Variants in MTMR6 observed in about 807,000 individuals in gnomAD.
The protein encoded by MTMR6 is myotubularin related protein 6.
Under a neutral mutation model 80.1 loss-of-function variants are expected in MTMR6, and 47 were observed. The ratio of observed to expected loss-of-function variants is 0.59; its 90% CI spans 0.46 to 0.75. The LOEUF is 0.75. MTMR6 is among the 30% of genes least tolerant of loss of function. MTMR6 has a pLI of 0.00. For synonymous variants in MTMR6, 254 were observed against 253.0 expected (o/e 1.00, Z -0.04); for missense variants, 629 against 730.9 (o/e 0.86, Z 1.61).
At position 25,271,885 on chromosome 13, in the gene MTMR6, G is replaced by A. The variant is rs540256361; in HGVS notation, c.141+2186C>T. The stretch of plus-strand genomic sequence containing the variant: ...GAACAAAGAATCCAAAATAGCCATG[G>A]CAATTTTGAAGAACAAGTTGGGAGG... On this transcript the variant is annotated intron_variant, in intron 2 of 13. Coordinates refer to ENST00000381801, the MANE Select transcript of MTMR6 (RefSeq NM_004685.5). 2.0e-5 allele frequency among the ~76,000 whole-genome samples: 3 copies of A among 152,276 alleles called. No homozygotes were observed. In the South Asian group the frequency reaches 6.2e-4, roughly 32 times the overall value.
At chr13:25,273,252 G>A (rs757446276) in intron 2 of MTMR6, among the ~76,000 whole-genome samples, 4 of 152,098 alleles carry the variant, frequency 2.6e-5, no homozygotes, top group East Asian at 1.9e-4. Flanking sequence ...GGTTATATAT[G>A]CACTTATTCA....
intron 1 of MTMR6, among the ~76,000 whole-genome samples, chr13:25,283,778 A>G (rs112292059): frequency 0.039 from 5,984 of 152,316 alleles, 407 homozygotes; most frequent in African/African-American, 0.13. Flanking sequence ...ATATAATGTC[A>G]GCCAAAGTAC....
intron 1 of MTMR6, among the ~76,000 whole-genome samples, chr13:25,280,033 A>G (rs533048933): frequency 1.1e-4 from 16 of 152,226 alleles, no homozygotes; most frequent in Non-Finnish European, 1.9e-4. Context: ...TGGCTGATAT[A>G]ATTAGGGCCT....
intron 3 of MTMR6, 128 bp downstream of exon 3, chr13:25,267,651 T>C: frequency 1.2e-6 from 1 of 852,804 alleles, no homozygotes; most frequent in South Asian, 2.0e-5. Context: ...ATGGGGGAGA[T>C]AGAGTACAAA....
intron 9 of MTMR6, among the ~76,000 whole-genome samples, chr13:25,255,179 T>C (rs1000343088): frequency 2.0e-5 from 3 of 152,250 alleles, no homozygotes; most frequent in Non-Finnish European, 4.4e-5. Flanking sequence ...TTCTCTGATT[T>C]TGTCTCAAGC....
chr13:25,268,699 AG>A (rs1957506227), intron 2 of MTMR6, among the ~76,000 whole-genome samples: 1 of 152,172 alleles, frequency 6.6e-6, no homozygotes, highest in Admixed American at 6.5e-5. Flanking sequence ...TGCCAGCTGC[AG>A]TGGGGGAGGT....
intron 6 of MTMR6, chr13:25,260,473 T>A: frequency 1.9e-6 from 1 of 538,056 alleles, no homozygotes; most frequent in Non-Finnish European, 2.8e-6. Context: ...GTTTCTAAAT[T>A]ATCTTTTGTG....
chr13:25,285,283 T>C (rs947900314), intron 1 of MTMR6, among the ~76,000 whole-genome samples: 11 of 151,874 alleles, frequency 7.2e-5, no homozygotes, highest in African/African-American at 2.7e-4. Context: ...AACCAAGGGA[T>C]CCTAAATATT....
At chr13:25,257,370 T>C in intron 8 of MTMR6, 49 bp from the exon 9 acceptor site, 1 of 1,590,954 alleles carries the variant, frequency 6.3e-7, no homozygotes, top group Non-Finnish European at 8.6e-7. Flanking sequence ...GGTAAACCAA[T>C]AAATTCTACT....
Position 25,254,387 on chromosome 13 carries a change from C to T in MTMR6, c.1143G>A (p.Glu381=). The change falls in exon 10 of 14, where the codon GAG becomes GAA. Residue 381 remains glutamate, a splice_region_variant and synonymous_variant. Coordinates refer to ENST00000381801, the MANE Select transcript of MTMR6 (RefSeq NM_004685.5). ...ATGACTGTGTAACTGTGACTCACCT[C>T]TCTGAAAATTTATGTCCAAAAGAGA... ...DWISFGHKFS[E]RCGQLDGDPK... The T allele has an allele frequency of 6.4e-7, 1 of 1,573,080 alleles. No individual in the cohort carries two copies. The highest frequency in any genetic ancestry group is 1.4e-5 in the African/African-American group (1 of 73,904).
chr13:25,275,900 G>A (rs1403398669), intron 1 of MTMR6, among the ~76,000 whole-genome samples: 1 of 141,648 alleles, frequency 7.1e-6, no homozygotes, highest in Non-Finnish European at 1.6e-5. Context: ...GGGGAGAGGA[G>A]GGGAGGGGAG....
Position 25,267,853 on chromosome 13 carries a change from G to A in MTMR6, c.230C>T (p.Thr77Ile), listed in dbSNP as rs770198319. ...PLVIQCKNFR[T>I]VHFIVPRERD... Reference sequence around the variant, plus strand: ...TTCTCTGGGAACAATGAAATGCACAGTTCTGAAGTTCTTGCACTGTATCAC... The same window carrying A: ...TTCTCTGGGAACAATGAAATGCACAATTCTGAAGTTCTTGCACTGTATCAC... The change falls in exon 3 of 14, where the codon ACT becomes ATT. Residue 77 changes from threonine (T) to isoleucine (I), a missense_variant. Coordinates refer to ENST00000381801, the MANE Select transcript of MTMR6 (RefSeq NM_004685.5). The A allele has an allele frequency of 6.2e-7, 1 of 1,613,862 alleles. No homozygotes were observed. Among genetic ancestry groups the A allele is most frequent in the African/African-American group, 1.3e-5 (1 of 75,018 alleles).
chr13:25,282,938 T>G (rs909107844), intron 1 of MTMR6, among the ~76,000 whole-genome samples: 1 of 152,042 alleles, frequency 6.6e-6, no homozygotes, highest in Non-Finnish European at 1.5e-5. Context: ...TAGACTTTTC[T>G]CCACAGAGTC....
rs947447409 is a variant in MTMR6, at chr13:25,260,563, A to C, written c.726+1105T>G. On this transcript the variant is annotated intron_variant, in intron 6 of 13. Transcript: ENST00000381801. ...GCTGCCTAAAAACCACTTGCGTTCT[A>C]TATTGCTCACTCGCTTTTTCTCATT... 22 of 1,251,584 alleles carry C rather than the reference A, an allele frequency of 1.8e-5. No homozygotes were observed. The African/African-American group carries it at 2.5e-4, about 14-fold the overall frequency. The allele number at this position is 1,251,584 out of a possible 1,614,324, so 77.5% of individuals were successfully genotyped here.
At chr13:25,273,959 G>A in intron 2 of MTMR6, 112 bp downstream of exon 2, 1 of 732,178 alleles carries the variant, frequency 1.4e-6, no homozygotes, top group Non-Finnish European at 2.3e-6. Flanking sequence ...AAATATTTTG[G>A]TTGAGATAGG....
chr13:25,252,001 A>G lies in MTMR6; in HGVS notation c.1347-17T>C. On this transcript the variant is annotated splice_polypyrimidine_tract_variant and intron_variant, in intron 11 of 13. Transcript: ENST00000381801. ...TCCTTCAACCTTAATATAATGAGAA[A>G]AACACAGAGATCTTTCCTATAGATG... The G allele has an allele frequency of 1.9e-6, 3 of 1,603,358 alleles. No homozygotes were observed. Among genetic ancestry groups the G allele is most frequent in the Non-Finnish European group, 1.7e-6 (2 of 1,176,270 alleles).
At chr13:25,260,732 T>G in intron 6 of MTMR6, 1 of 980,002 alleles carries the variant, frequency 1.0e-6, no homozygotes, top group East Asian at 6.6e-5. Context: ...CCACTGAGGA[T>G]TTTAATTATT....
chr13:25,266,132 G>C lies in MTMR6; in HGVS notation c.459C>G (p.Tyr153Ter), dbSNP rs201338283. 5 of 1,613,538 alleles carry C rather than the reference G, an allele frequency of 3.1e-6. No individual in the cohort carries two copies. The highest frequency in any genetic ancestry group is 1.3e-5 in the African/African-American group (1 of 74,882). ...CTCCAAAATGTTGTTAAGGTACCTT[G>C]TAGTCCCGGTTGGCATCAGACAACT... is the stretch of plus-strand genomic sequence containing the variant. ...HWQLSDANRD[Y>*]KICETYPREL... The change falls in exon 4 of 14, where the codon TAC becomes TAG. Residue 153 changes from tyrosine (Y) to a stop codon, truncating the protein, a stop_gained. Coordinates refer to ENST00000381801, the MANE Select transcript of MTMR6 (RefSeq NM_004685.5). LOFTEE classifies it high-confidence loss of function.
chr13:25,281,068 G>C (rs969871939), intron 1 of MTMR6, among the ~76,000 whole-genome samples: 1 of 152,190 alleles, frequency 6.6e-6, no homozygotes. Flanking sequence ...GCTTACGCTT[G>C]TAATCCCAAC....
Sources: allele counts gnomAD v4.1 joint callset (sites outside exome capture counted in the v4.1 genomes callset), GRCh38; gene constraint gnomAD v4.1.1; transcripts MANE v1.5; gene names NCBI Gene and HGNC (gene_info 2026-07-23, HGNC 2026-07-21).